Variants in FBXO47 observed in about 807,000 individuals in gnomAD.
FBXO47 encodes F-box only protein 47.
FBXO47 carries 34 observed loss-of-function variants against 53.9 expected under a neutral mutation model. The observed-to-expected ratio is 0.63, with a 90% CI of 0.48 to 0.84. The LOEUF is 0.84. FBXO47 is among the 40% of genes least tolerant of loss of function. The probability of loss-of-function intolerance (pLI) is 0.00; values close to 1 mark genes in which losing one functional copy is unlikely to be tolerated. For missense variants in FBXO47, 485 were observed against 541.3 expected (o/e 0.90, Z 1.03); for synonymous variants, 165 against 181.6 (o/e 0.91, Z 0.73).
chr17:38,947,526 T>C (rs2143922719), intron 6 of FBXO47, among the ~76,000 whole-genome samples: 1 of 152,160 alleles, frequency 6.6e-6, no homozygotes, highest in East Asian at 1.9e-4. Context: ...CAGGCTGGTT[T>C]TGAACTCCTG....
At chr17:38,951,551 G>T in intron 6 of FBXO47, 30 bp downstream of exon 6, 1 of 1,456,622 alleles carries the variant, frequency 6.9e-7, no homozygotes, top group Non-Finnish European at 9.6e-7. Flanking sequence ...TTTAATCTCT[G>T]TATATTATAT....
Position 38,946,333 on chromosome 17 carries a change from A to AATATATATAAATATATAG in FBXO47, c.617-1198_617-1197insCTATATATTTATATATAT, listed in dbSNP as rs1904821306. On this transcript the variant is annotated intron_variant, in intron 6 of 10. Coordinates refer to ENST00000378079, the MANE Select transcript of FBXO47 (RefSeq NM_001008777.3). ...ATATATAAATATATATAAATATATA[A>AATATATATAAATATATAG]ATATATATAAATATATAAATATATA... Among the ~76,000 whole-genome samples the AATATATATAAATATATAG allele has an allele frequency of 1.1e-4, 9 of 84,998 alleles. 1 individual carries two copies. In the South Asian group the frequency reaches 3.7e-3, roughly 35 times the overall value. 55.8% of individuals were successfully genotyped at this position (84,998 alleles called of 152,430 possible).
At chr17:38,966,010 CTTTT>C (rs1298653527) in intron 1 of FBXO47, among the ~76,000 whole-genome samples, 1 of 151,950 alleles carries the variant, frequency 6.6e-6, no homozygotes, top group Admixed American at 6.6e-5. Flanking sequence ...ACATATATTT[CTTTT>C]TAACAAAAAA....
chr17:38,965,646 G>A (rs578138082), intron 1 of FBXO47, among the ~76,000 whole-genome samples: 33 of 146,556 alleles, frequency 2.3e-4, no homozygotes, highest in African/African-American at 8.3e-4. Flanking sequence ...GGCTGAGGCC[G>A]GTGGATCACG....
rs1343238783 is a variant in FBXO47 at position 38,951,615 on chromosome 17, G to C, written c.582C>G (p.Cys194Trp). 1 of 1,613,828 alleles carries C rather than the reference G, an allele frequency of 6.2e-7. No homozygotes were observed. The highest frequency in any genetic ancestry group is 1.3e-5 in the African/African-American group (1 of 75,026). Residue 194 changes from cysteine (C) to tryptophan (W), a missense_variant, in exon 6 of 11, where the codon TGC becomes TGG. Cys to Trp is a radical substitution (Grantham distance 215). Transcript: ENST00000378079. Reference sequence around the variant, plus strand: ...TGCAGACAGCCATTTGTATCTTGCGGCAGAGATTAGTCAGTTCGCATAAGA... The same window carrying C: ...TGCAGACAGCCATTTGTATCTTGCGCCAGAGATTAGTCAGTTCGCATAAGA... ...YNFLCELTNL[C>W]RKIQMAVCSK...
At chr17:38,953,114 TA>T (rs1334331241) in intron 5 of FBXO47, among the ~76,000 whole-genome samples, 12 of 107,772 alleles carry the variant, frequency 1.1e-4, no homozygotes, top group African/African-American at 1.1e-4. Context: ...CTGTCTCTAC[TA>T]AAAAAAAAAC....
chr17:38,941,642 A>ATATATATATATGTATATG (rs924192946), intron 9 of FBXO47, among the ~76,000 whole-genome samples: 1 of 144,232 alleles, frequency 6.9e-6, no homozygotes, highest in African/African-American at 2.6e-5. Context: ...ATATATATAT[A>ATATATATATATGTATATG]TATGTATGTG....
chr17:38,936,570 AAT>A lies in FBXO47; in HGVS notation c.*603_*604del, dbSNP rs1356841337. The A allele has an allele frequency of 1.3e-5, 2 of 151,100 alleles. No homozygotes were observed. Among genetic ancestry groups the A allele is most frequent in the African/African-American group, 4.9e-5 (2 of 41,206 alleles). 9.4% of individuals were successfully genotyped at this position (151,100 alleles called of 1,614,324 possible). On this transcript the variant is annotated 3_prime_UTR_variant, in exon 11 of 11. Coordinates refer to ENST00000378079, the MANE Select transcript of FBXO47 (RefSeq NM_001008777.3). ...TTTGTATGATTACCTTAAAGAAGGA[AAT>A]ATATGTCTGTGTGTGTGTGTCTATA...
intron 3 of FBXO47, among the ~76,000 whole-genome samples, chr17:38,959,859 C>T (rs1373379932): frequency 6.6e-6 from 1 of 152,028 alleles, no homozygotes; most frequent in Non-Finnish European, 1.5e-5. Flanking sequence ...ACACTGTTAA[C>T]ATTCCTATGA....
chr17:38,964,416 C>T (rs1290634277), intron 1 of FBXO47, among the ~76,000 whole-genome samples: 4 of 151,794 alleles, frequency 2.6e-5, no homozygotes, highest in Non-Finnish European at 4.4e-5. Context: ...GCCAACATAG[C>T]GAAACCCCGT....
intron 9 of FBXO47, among the ~76,000 whole-genome samples, chr17:38,941,595 A>T (rs1465284616): frequency 2.2e-5 from 3 of 136,698 alleles, no homozygotes; most frequent in African/African-American, 7.8e-5. Flanking sequence ...AATTTGTGTT[A>T]AATGAATATT....
intron 1 of FBXO47, among the ~76,000 whole-genome samples, chr17:38,966,216 G>A (rs928786727): frequency 1.3e-5 from 2 of 152,006 alleles, no homozygotes; most frequent in African/African-American, 4.8e-5. Flanking sequence ...TTGTTTGTTT[G>A]TTTGCGATGG....
chr17:38,942,796 G>A lies in FBXO47; in HGVS notation c.1065C>T (p.Leu355=), dbSNP rs369304499. Residue 355 remains leucine, a synonymous_variant, in exon 9 of 11, where the codon CTC becomes CTT. Coordinates refer to ENST00000378079, the MANE Select transcript of FBXO47 (RefSeq NM_001008777.3). ...TACTTACCAAAGCCAAAAAGACTAC[G>A]AGCCTTGCCAGTTCAATGGTGCGTC... ...VNGRTIELAR[L]VVFLALVCEK... The A allele has an allele frequency of 1.6e-5, 26 of 1,608,042 alleles. No individual in the cohort carries two copies. The highest frequency in any genetic ancestry group is 3.3e-4 in the Middle Eastern group (2 of 6,058).
chr17:38,939,624 C>T (rs1485283547), intron 9 of FBXO47, among the ~76,000 whole-genome samples: 1 of 143,650 alleles, frequency 7.0e-6, no homozygotes, highest in Non-Finnish European at 1.5e-5. Context: ...ATGTTCCTAG[C>T]TAAAACTGAC....
At chr17:38,945,190 AT>A in intron 6 of FBXO47, 54 bp from the exon 7 acceptor site, 1 of 1,337,762 alleles carries the variant, frequency 7.5e-7, no homozygotes, top group Non-Finnish European at 1.1e-6. Flanking sequence ...TGCTGTGCAT[AT>A]TGAATAGTGA....
chr17:38,947,753 C>CA (rs1183553410), intron 6 of FBXO47, among the ~76,000 whole-genome samples: 1 of 151,692 alleles, frequency 6.6e-6, no homozygotes, highest in Non-Finnish European at 1.5e-5. Flanking sequence ...ACTAAAAATA[C>CA]AAAAAAATTA....
rs543596403 is a variant in FBXO47 at position 38,939,421 on chromosome 17, C to T, written c.1084-689G>A. Among the ~76,000 whole-genome samples the T allele has an allele frequency of 2.8e-5, 4 of 143,200 alleles. No individual in the cohort carries two copies. In the South Asian group the frequency reaches 8.6e-4, roughly 31 times the overall value. The allele number at this position is 143,200 out of a possible 152,430, so 93.9% of individuals were successfully genotyped here. The stretch of plus-strand genomic sequence containing the variant: ...CATTCAATAAACATTTATTGAGCAC[C>T]TGCTAGGAGCTGAAGATACAATGAC... On this transcript the variant is annotated intron_variant, in intron 9 of 10. Transcript: ENST00000378079.
chr17:38,955,916 C>A, intron 4 of FBXO47, among the ~76,000 whole-genome samples: 1 of 145,614 alleles, frequency 6.9e-6, no homozygotes. Flanking sequence ...TGAGATCGTG[C>A]CACTGCACTC....
rs1407786043 is a variant in FBXO47, at chr17:38,936,519, A to G, written c.*656T>C. ...GATGATTTGATTGCATTGAGACAAT[A>G]TATACCTTCCTGTATGTATAGACCT... On this transcript the variant is annotated 3_prime_UTR_variant, in exon 11 of 11. Coordinates refer to ENST00000378079, the MANE Select transcript of FBXO47 (RefSeq NM_001008777.3). 6.6e-6 allele frequency: 1 copy of G among 152,160 alleles called. No individual in the cohort carries two copies. Among genetic ancestry groups the G allele is most frequent in the Non-Finnish European group, 1.5e-5 (1 of 68,024 alleles). The allele number at this position is 152,160 out of a possible 1,614,324, so 9.4% of individuals were successfully genotyped here.
Sources: gnomAD v4.1 joint callset for allele counts (sites outside exome capture counted in the v4.1 genomes callset) on GRCh38, gnomAD v4.1.1 for gene constraint, MANE v1.5 for transcripts, NCBI Gene and HGNC (gene_info 2026-07-23, HGNC 2026-07-21) for gene names.